MAX: variants seen among roughly 807,000 people sequenced by gnomAD.
MAX encodes MYC associated transcriptional regulator X.
A neutral mutation model predicts 22.3 loss-of-function variants in MAX; 3 were observed. That is an observed-to-expected ratio of 0.13 (90% confidence interval 0.06 to 0.35). The LOEUF is 0.35. Ranked by LOEUF, MAX falls within the 10% of genes least tolerant of loss-of-function variation. The pLI is 1.00. For synonymous variants in MAX, 72 were observed against 77.7 expected, an observed-to-expected ratio of 0.93 and a Z score of 0.39; for missense variants, 119 against 209.4, an observed-to-expected ratio of 0.57 and a Z score of 2.66.
Position 65,012,383 on chromosome 14 carries a change from C to T in MAX, c.172-6099G>A. 6.2e-7 allele frequency: 1 copy of T among 1,614,126 alleles called. No individual in the cohort carries two copies. Among genetic ancestry groups the T allele is most frequent in the East Asian group, 2.2e-5 (1 of 44,874 alleles). Reference sequence around the variant, plus strand: ...GAGGCCTTCGACAACTGACAGATGCCTATGAGGTAAACACATTACCCAGGA... The same window carrying T: ...GAGGCCTTCGACAACTGACAGATGCTTATGAGGTAAACACATTACCCAGGA... On this transcript the variant is annotated intron_variant, in intron 3 of 3. Coordinates refer to the MAX transcript ENST00000341653. The surrounding 1 kb of genome is among the most constrained non-coding windows in gnomAD (Gnocchi z 5.0).
intron 3 of MAX, chr14:65,015,645 A>T: frequency 6.2e-7 from 1 of 1,613,996 alleles, no homozygotes; most frequent in Non-Finnish European, 8.5e-7. Context: ...CCAGCCGCCC[A>T]TGGCTCTGCT....
At position 65,062,889 on chromosome 14, in the gene MAX, T is replaced by C. The variant is rs2062890436; in HGVS notation, c.171+30819A>G. On this transcript the variant is annotated intron_variant, in intron 3 of 3. Coordinates refer to the MAX transcript ENST00000341653. The surrounding 1 kb of genome is among the most constrained non-coding windows in gnomAD (Gnocchi z 4.3). ...AGCTCCCTGGGGTAATTCGGTATGC[T>C]ATGTCCCAGCCCTCCACACACTGCA... 6.6e-6 allele frequency among the ~76,000 whole-genome samples: 1 copy of C among 152,192 alleles called. No individual in the cohort carries two copies. Among genetic ancestry groups the C allele is most frequent in the South Asian group, 2.1e-4 (1 of 4,834 alleles).
Position 65,027,655 on chromosome 14 carries a change from C to G in MAX, c.172-21371G>C. On this transcript the variant is annotated intron_variant, in intron 3 of 3. Coordinates refer to the MAX transcript ENST00000341653. The surrounding 1 kb of genome is among the most constrained non-coding windows in gnomAD (Gnocchi z 5.7). ...TAGAGGAGTTCCCCGCCTGCTGACA[C>G]GCACTGACTGTTGCCTCTCCTACCT... The G allele has an allele frequency of 6.2e-7, 1 of 1,614,134 alleles. No individual in the cohort carries two copies.
chr14:65,024,920 C>CT (rs543098960), intron 3 of MAX, among the ~76,000 whole-genome samples: 6 of 152,016 alleles, frequency 3.9e-5, no homozygotes, highest in South Asian at 4.2e-4. Flanking sequence ...TGCCTGGCTC[C>CT]TTTTTTTTGT....
chr14:65,099,392 T>C (rs2063762584), intron 2 of MAX, among the ~76,000 whole-genome samples: 1 of 151,994 alleles, frequency 6.6e-6, no homozygotes, highest in South Asian at 2.1e-4. Flanking sequence ...ACTAAAAACA[T>C]CTAGACAAAA....
intron 3 of MAX, among the ~76,000 whole-genome samples, chr14:65,068,328 G>T (rs2062952066): frequency 6.6e-6 from 1 of 152,258 alleles, no homozygotes; most frequent in East Asian, 1.9e-4. Flanking sequence ...TCAGCTACTC[G>T]AGAAGCTGAG....
In MAX at chr14:65,093,447, T is replaced by C; in HGVS notation, c.171+261A>G. On this transcript the variant is annotated intron_variant, in intron 3 of 4. Transcript: ENST00000358664. This position sits in a 1 kb window ranked among gnomAD's most constrained non-coding sequence, Gnocchi z 4.4. ...GTGTATAGTTATAATTTCTTGAATT[T>C]ATTACAAATAATACAAATTTTAAAA... 2.1e-6 allele frequency: 1 copy of C among 485,246 alleles called. No individual in the cohort carries two copies. The highest frequency in any genetic ancestry group is 3.8e-6 in the Non-Finnish European group (1 of 265,980). 30.1% of individuals were successfully genotyped at this position (485,246 alleles called of 1,614,324 possible).
rs1014735911 is a variant in MAX at position 65,030,819 on chromosome 14, T to G, written c.172-24535A>C. On this transcript the variant is annotated intron_variant, in intron 3 of 3. Transcript: ENST00000341653. This position sits in a 1 kb window ranked among gnomAD's most constrained non-coding sequence, Gnocchi z 4.5. ...CTTAGGAATATACTTTTTGTTTGTT[T>G]TGTTTTGAGATGGAGTTTCTTTCTG... 6.6e-6 allele frequency among the ~76,000 whole-genome samples: 1 copy of G among 152,124 alleles called. No homozygotes were observed. Among genetic ancestry groups the G allele is most frequent in the Non-Finnish European group, 1.5e-5 (1 of 68,016 alleles).
rs2062680129 is a variant in MAX, at chr14:65,054,333, ACTC to A, written c.171+39372_171+39374del. On this transcript the variant is annotated intron_variant, in intron 3 of 3. Transcript: ENST00000341653. This position sits in a 1 kb window ranked among gnomAD's most constrained non-coding sequence, Gnocchi z 4.4. The stretch of plus-strand genomic sequence containing the variant: ...CCCATGTTGCCCAAGTTGGTTTTGA[ACTC>A]CTGGCCTCAAACCGTTCTCTTGCCT... Among the ~76,000 whole-genome samples, 2 of 150,762 alleles carry A rather than the reference ACTC, an allele frequency of 1.3e-5. No homozygotes were observed. Among genetic ancestry groups the A allele is most frequent in the South Asian group, 4.2e-4 (2 of 4,774 alleles).
In MAX at chr14:65,054,208, G is replaced by A. The variant is rs772081806; in HGVS notation, c.171+39500C>T. On this transcript the variant is annotated intron_variant, in intron 3 of 3. Transcript: ENST00000341653. This position sits in a 1 kb window ranked among gnomAD's most constrained non-coding sequence, Gnocchi z 4.4. ...ACTCACTGCAGCCTTCACCTCTTGG[G>A]CTCGAGTGATCCTCCTGCTTCAGCC... Among the ~76,000 whole-genome samples the A allele has an allele frequency of 9.2e-5, 14 of 152,000 alleles. No homozygotes were observed. Among genetic ancestry groups the A allele is most frequent in the Non-Finnish European group, 1.2e-4 (8 of 68,008 alleles).
chr14:65,023,779 A>G lies in MAX; in HGVS notation c.172-17495T>C, dbSNP rs1005238702. On this transcript the variant is annotated intron_variant, in intron 3 of 3. Coordinates refer to the MAX transcript ENST00000341653. This position sits in a 1 kb window ranked among gnomAD's most constrained non-coding sequence, Gnocchi z 4.1. The stretch of plus-strand genomic sequence containing the variant: ...AAAATGTGGTCCCCAGACCAGGAGC[A>G]TTGCTATCACCTGGGAACTTATTAG... 2.6e-5 allele frequency among the ~76,000 whole-genome samples: 4 copies of G among 152,190 alleles called. No homozygotes were observed. Among genetic ancestry groups the G allele is most frequent in the Admixed American group, 2.0e-4 (3 of 15,274 alleles).
rs1176638945 is a variant in MAX at position 65,028,640 on chromosome 14, A to G, written c.172-22356T>C. ...CATTGTGGAGCATAAAATACATTAC[A>G]GATAATAGGTAATCAGGCTGCAAAG... On this transcript the variant is annotated intron_variant, in intron 3 of 3. Transcript: ENST00000341653. This position sits in a 1 kb window ranked among gnomAD's most constrained non-coding sequence, Gnocchi z 4.4. Among the ~76,000 whole-genome samples, 2 of 152,216 alleles carry G rather than the reference A, an allele frequency of 1.3e-5. No homozygotes were observed. The highest frequency in any genetic ancestry group is 4.8e-5 in the African/African-American group (2 of 41,466).
chr14:65,072,552 C>A (rs1284555878), downstream of MAX, among the ~76,000 whole-genome samples: 3 of 152,198 alleles, frequency 2.0e-5, no homozygotes, highest in African/African-American at 7.2e-5. Flanking sequence ...GGAGTCAAAC[C>A]TGAGTGACTT....
chr14:65,101,015 T>C (rs1394243586), intron 2 of MAX, among the ~76,000 whole-genome samples: 1 of 152,244 alleles, frequency 6.6e-6, no homozygotes, highest in East Asian at 1.9e-4. Flanking sequence ...TGTGACACTT[T>C]GATGATGTAA....
At position 65,023,823 on chromosome 14, in the gene MAX, G is replaced by A. The variant is rs180973792; in HGVS notation, c.172-17539C>T. Among the ~76,000 whole-genome samples the A allele has an allele frequency of 1.3e-5, 2 of 152,156 alleles. No individual in the cohort carries two copies. The highest frequency in any genetic ancestry group is 6.5e-5 in the Admixed American group (1 of 15,280). On this transcript the variant is annotated intron_variant, in intron 3 of 3. Transcript: ENST00000341653. The surrounding 1 kb of genome is among the most constrained non-coding windows in gnomAD (Gnocchi z 4.1). ...TTATTAGAAATGAGGACTCTCAGCC[G>A]GGCATGGTGGCTCACGCCTGTAATC...
rs201743423 is a variant in MAX, at chr14:65,102,315, C to A, written c.25G>T (p.Val9Leu). ...GCCCCAGGACTCACGTCGCTCTCCA[C>A]CTCGATGTCATCGTTATCGCTCATT... The part of the protein sequence containing the change: MSDNDDIE[V>L]ESDEEQPRFQ... Residue 9 changes from valine to leucine, a missense_variant, in exon 1 of 5, where the codon GTG (valine) becomes TTG (leucine). Physicochemically the swap from Val to Leu is conservative, Grantham distance 32. Coordinates refer to ENST00000358664, the MANE Select transcript of MAX (RefSeq NM_002382.5). 5.0e-5 allele frequency: 80 copies of A among 1,613,778 alleles called. No individual in the cohort carries two copies. The highest frequency in any genetic ancestry group is 4.9e-5 in the Non-Finnish European group (58 of 1,179,828).
intron 3 of MAX, among the ~76,000 whole-genome samples, chr14:65,017,849 GGAGGCTGA>G (rs1181679412): frequency 1.3e-5 from 2 of 152,034 alleles, no homozygotes; most frequent in Non-Finnish European, 2.9e-5. Flanking sequence ...CAGCTACTCG[GGAGGCTGA>G]GGCAGGAGAA....
At chr14:65,017,486 C>CT (rs1322080194) in intron 3 of MAX, among the ~76,000 whole-genome samples, 1 of 152,052 alleles carries the variant, frequency 6.6e-6, no homozygotes, top group Admixed American at 6.6e-5. Context: ...CCAAAATCGA[C>CT]TGAGTTTTTT....
At position 65,088,491 on chromosome 14, in the gene MAX, TGAG is replaced by T. The variant is rs1210545484; in HGVS notation, c.171+5214_171+5216del. On this transcript the variant is annotated intron_variant, in intron 3 of 4. Coordinates refer to ENST00000358664, the MANE Select transcript of MAX (RefSeq NM_002382.5). The surrounding 1 kb of genome is among the most constrained non-coding windows in gnomAD (Gnocchi z 5.2). ...TAGCTAATATAACCTTAATGAGTAA[TGAG>T]GAGAAGTGGATAGGGCTATAGTTTA... Among the ~76,000 whole-genome samples, 5 of 152,178 alleles carry T rather than the reference TGAG, an allele frequency of 3.3e-5. No homozygotes were observed. The highest frequency in any genetic ancestry group is 1.2e-4 in the African/African-American group (5 of 41,446).
Sources: gnomAD v4.1 joint callset for allele counts (sites outside exome capture counted in the v4.1 genomes callset) on GRCh38, gnomAD v4.1.1 for gene constraint, Gnocchi (gnomAD v3.1) non-coding constraint, MANE v1.5 for transcripts, NCBI Gene and HGNC (gene_info 2026-07-23, HGNC 2026-07-21) for gene names.